TFEC: variants seen among roughly 807,000 people sequenced by gnomAD.
TFEC encodes class E basic helix-loop-helix protein 34.
TFEC carries 31 observed loss-of-function variants against 41.6 expected under a neutral mutation model. That is an observed-to-expected ratio of 0.74 (90% CI 0.56 to 1.01). The LOEUF (loss-of-function observed/expected upper bound fraction) is 1.01, where lower values mean the gene tolerates loss of function less well. Ranked by LOEUF, TFEC falls within the 50% of genes least tolerant of loss-of-function variation. TFEC has a pLI of 0.00. For synonymous variants in TFEC, 143 were observed against 140.6 expected, an observed-to-expected ratio of 1.02 and a Z score of -0.12; for missense variants, 402 against 404.1, an observed-to-expected ratio of 0.99 and a Z score of 0.04.
upstream of TFEC, among the ~76,000 whole-genome samples, chr7:116,032,211 G>A (rs563088121): frequency 1.1e-4 from 17 of 152,134 alleles, no homozygotes; most frequent in African/African-American, 3.1e-4. Context: ...CTTAATGGTG[G>A]CATAATCGGG....
At chr7:116,042,693 A>C (rs756489339) in intron 3 of TFEC, among the ~76,000 whole-genome samples, 1 of 152,196 alleles carries the variant, frequency 6.6e-6, no homozygotes, top group Non-Finnish European at 1.5e-5. Flanking sequence ...AACAGTATGC[A>C]GGACTGATTC....
chr7:116,076,717 C>T (rs973861184), intron 3 of TFEC, among the ~76,000 whole-genome samples: 1 of 151,652 alleles, frequency 6.6e-6, no homozygotes, highest in African/African-American at 2.4e-5. Flanking sequence ...CCCAGTCCAA[C>T]AAAGACAAAG....
chr7:116,135,981 G>A (rs1798425266), intron 1 of TFEC, among the ~76,000 whole-genome samples: 2 of 152,180 alleles, frequency 1.3e-5, no homozygotes, highest in South Asian at 2.1e-4. Flanking sequence ...GTTCCTCACA[G>A]TGAATATTAG....
At chr7:115,951,145 A>G (rs1036579902) in intron 5 of TFEC, among the ~76,000 whole-genome samples, 196 bp from the exon 6 acceptor site, 1 of 152,118 alleles carries the variant, frequency 6.6e-6, no homozygotes, top group African/African-American at 2.4e-5. Context: ...TTATAAATCT[A>G]TGATTTACAC....
At chr7:116,021,531 G>A (rs993531709) in intron 1 of TFEC, among the ~76,000 whole-genome samples, 2 of 152,196 alleles carry the variant, frequency 1.3e-5, no homozygotes, top group Non-Finnish European at 2.9e-5. Context: ...GAAAGTCAAA[G>A]CTGCAATGTG....
intron 1 of TFEC, among the ~76,000 whole-genome samples, chr7:116,151,238 ATTTTTTT>A (rs5886809): frequency 8.3e-6 from 1 of 120,128 alleles, no homozygotes; most frequent in Non-Finnish European, 1.7e-5. Context: ...ATTATGTCAG[ATTTTTTT>A]TTTTTTTTTT....
At chr7:116,077,637 G>A (rs1189228341) in intron 3 of TFEC, among the ~76,000 whole-genome samples, 2 of 151,652 alleles carry the variant, frequency 1.3e-5, no homozygotes, top group African/African-American at 4.8e-5. Flanking sequence ...TCTTATATCA[G>A]ACAAAAAAAA....
At chr7:116,069,090 GA>G (rs1562958362) in intron 3 of TFEC, among the ~76,000 whole-genome samples, 2 of 151,614 alleles carry the variant, frequency 1.3e-5, no homozygotes, top group African/African-American at 4.8e-5. Context: ...GTCATATATA[GA>G]AAGAGTGATA....
intron 1 of TFEC, among the ~76,000 whole-genome samples, chr7:116,143,179 C>A (rs188144931): frequency 6.6e-6 from 1 of 152,122 alleles, no homozygotes; most frequent in Non-Finnish European, 1.5e-5. Context: ...GAACCAGAGA[C>A]AAAAATACAT....
intron 6 of TFEC, 44 bp from the exon 7 acceptor site, chr7:115,942,084 C>T: frequency 6.5e-7 from 1 of 1,538,858 alleles, no homozygotes; most frequent in Non-Finnish European, 8.7e-7. Flanking sequence ...TGCATGTCAG[C>T]AGAATTCATA....
chr7:116,093,177 A>G (rs1256112771), intron 3 of TFEC, among the ~76,000 whole-genome samples: 1 of 152,162 alleles, frequency 6.6e-6, no homozygotes, highest in East Asian at 1.9e-4. Flanking sequence ...ATCTCTAGTA[A>G]GAAGACGTGA....
chr7:116,147,871 T>A (rs1308624264), intron 1 of TFEC, among the ~76,000 whole-genome samples: 1 of 152,106 alleles, frequency 6.6e-6, no homozygotes, highest in South Asian at 2.1e-4. Context: ...TGAGAATCCA[T>A]CAGTGGATAA....
intron 6 of TFEC, among the ~76,000 whole-genome samples, chr7:115,948,944 A>T (rs1791770563): frequency 6.6e-6 from 1 of 151,812 alleles, no homozygotes; most frequent in African/African-American, 2.4e-5. Flanking sequence ...GTATATGTAG[A>T]AAACCCCATT....
At chr7:116,109,899 A>G (rs1441198210) in intron 3 of TFEC, among the ~76,000 whole-genome samples, 1 of 152,200 alleles carries the variant, frequency 6.6e-6, no homozygotes, top group Non-Finnish European at 1.5e-5. Flanking sequence ...GCAGCCATAA[A>G]AAAGGATGCA....
chr7:115,977,534 A>G (rs1562905981), intron 2 of TFEC, among the ~76,000 whole-genome samples: 1 of 151,890 alleles, frequency 6.6e-6, no homozygotes, highest in Non-Finnish European at 1.5e-5. Context: ...ATGAAATTAA[A>G]TTCTTTTTGG....
chr7:116,133,025 T>C (rs1005016882), intron 1 of TFEC, among the ~76,000 whole-genome samples: 1 of 152,234 alleles, frequency 6.6e-6, no homozygotes, highest in African/African-American at 2.4e-5. Flanking sequence ...TTAAGACTAC[T>C]TTAGAAAATA....
chr7:115,963,868 T>C (rs1441398805), intron 3 of TFEC, among the ~76,000 whole-genome samples: 1 of 151,670 alleles, frequency 6.6e-6, no homozygotes, highest in Non-Finnish European at 1.5e-5. Flanking sequence ...TGAATGTACT[T>C]AATGCCTTTG....
chr7:116,156,400 C>A (rs1266676356), intron 1 of TFEC, among the ~76,000 whole-genome samples: 2 of 152,078 alleles, frequency 1.3e-5, no homozygotes, highest in African/African-American at 4.8e-5. Context: ...TTTAAAATAA[C>A]CTTCATATCA....
chr7:116,004,897 G>A (rs1316280587), intron 1 of TFEC, among the ~76,000 whole-genome samples: 2 of 152,072 alleles, frequency 1.3e-5, no homozygotes, highest in Non-Finnish European at 1.5e-5. Context: ...GGGACCTGGT[G>A]GGAGGTAACT....
Sources: allele counts gnomAD v4.1 joint callset (sites outside exome capture counted in the v4.1 genomes callset), GRCh38; gene constraint gnomAD v4.1.1; transcripts MANE v1.5; gene names NCBI Gene and HGNC (gene_info 2026-07-23, HGNC 2026-07-21).